CREM: variants seen among roughly 807,000 people sequenced by gnomAD.
CREM encodes cAMP-responsive element modulator.
In CREM, 13 loss-of-function variants were observed where a neutral mutation model predicts 37.3. The ratio of observed to expected loss-of-function variants is 0.35; its 90% CI spans 0.23 to 0.55. The LOEUF is 0.55. CREM is among the 20% of genes least tolerant of loss of function. The pLI, the probability that CREM is intolerant of heterozygous loss-of-function variation, is 0.88. For missense variants in CREM, 296 were observed against 362.3 expected (o/e 0.82, Z 1.49); for synonymous variants, 124 against 120.2 (o/e 1.03, Z -0.21).
chr10:35,171,697 G>C (rs2093828146), intron 3 of CREM, among the ~76,000 whole-genome samples: 2 of 152,138 alleles, frequency 1.3e-5, no homozygotes, highest in South Asian at 4.1e-4. Context: ...GAGAATACTT[G>C]TAGGACCCCT....
chr10:35,198,935 A>T (rs2095301754), intron 6 of CREM, among the ~76,000 whole-genome samples: 1 of 152,220 alleles, frequency 6.6e-6, no homozygotes, highest in Non-Finnish European at 1.5e-5. Flanking sequence ...TGATCACCTG[A>T]GGTCAGGAGT....
intron 1 of CREM, among the ~76,000 whole-genome samples, chr10:35,131,236 C>G (rs1341398014): frequency 6.6e-6 from 1 of 152,142 alleles, no homozygotes; most frequent in African/African-American, 2.4e-5. Context: ...CTAATAAAAT[C>G]CTGTGAACGT....
intron 5 of CREM, among the ~76,000 whole-genome samples, chr10:35,185,041 TCA>T: frequency 1.3e-5 from 1 of 78,422 alleles, no homozygotes; most frequent in Non-Finnish European, 3.3e-5. Flanking sequence ...AGCCATTCAT[TCA>T]TTCATTCATT....
chr10:35,204,957 A>G (rs1317559720), intron 6 of CREM, among the ~76,000 whole-genome samples: 3 of 152,248 alleles, frequency 2.0e-5, no homozygotes, highest in Non-Finnish European at 4.4e-5. Context: ...CATGAAATAC[A>G]GAAATGCTGT....
intron 2 of CREM, among the ~76,000 whole-genome samples, chr10:35,145,509 A>G (rs2091972173): frequency 6.6e-6 from 1 of 152,134 alleles, no homozygotes; most frequent in Admixed American, 6.6e-5. Flanking sequence ...GCCAGTTGCA[A>G]TGGCTCACGC....
chr10:35,180,641 C>T (rs895616442), intron 5 of CREM, among the ~76,000 whole-genome samples: 1 of 152,204 alleles, frequency 6.6e-6, no homozygotes, highest in Non-Finnish European at 1.5e-5. Flanking sequence ...AAGAAATAGA[C>T]CTTGAGGTTT....
intron 2 of CREM, 74 bp downstream of exon 2, chr10:35,137,953 T>G (rs1316233883): frequency 1.7e-6 from 2 of 1,164,104 alleles, no homozygotes; most frequent in African/African-American, 3.1e-5. Flanking sequence ...TAAATTGATA[T>G]ATAGATGTAC....
intron 3 of CREM, among the ~76,000 whole-genome samples, chr10:35,177,406 A>C (rs1221186013): frequency 2.0e-5 from 3 of 152,212 alleles, no homozygotes; most frequent in East Asian, 1.9e-4. Context: ...ATTGAGGTCC[A>C]CATATTTCTA....
At chr10:35,210,824 GATTA>G (rs2095649417) in intron 7 of CREM, 1 of 153,314 alleles carries the variant, frequency 6.5e-6, no homozygotes, top group African/African-American at 2.4e-5. Context: ...GGTTTTTGAG[GATTA>G]ATTCTTATAA....
At chr10:35,188,139 T>C (rs2094732959) in intron 5 of CREM, 61 bp from the exon 6 acceptor site, 2 of 1,465,420 alleles carry the variant, frequency 1.4e-6, no homozygotes, top group Non-Finnish European at 1.8e-6. Context: ...ATTCTTCCAA[T>C]AGGGGATTAT....
At chr10:35,150,099 T>C (rs1391398764) in intron 3 of CREM, among the ~76,000 whole-genome samples, 1 of 152,194 alleles carries the variant, frequency 6.6e-6, no homozygotes, top group Non-Finnish European at 1.5e-5. Flanking sequence ...AGAAAGCATA[T>C]ACTTTTTCTC....
At chr10:35,195,113 C>A in intron 6 of CREM, 1 of 1,497,942 alleles carries the variant, frequency 6.7e-7, no homozygotes, top group Non-Finnish European at 9.2e-7. Context: ...TTATCCTGCA[C>A]ATGCTTGCTA....
At chr10:35,130,787 C>G (rs2089215803) in intron 1 of CREM, among the ~76,000 whole-genome samples, 1 of 152,144 alleles carries the variant, frequency 6.6e-6, no homozygotes, top group African/African-American at 2.4e-5. Context: ...GTTGTGCCAT[C>G]TAGGTTTGTT....
chr10:35,149,218 C>T (rs2092395594), intron 3 of CREM, among the ~76,000 whole-genome samples: 2 of 152,134 alleles, frequency 1.3e-5, no homozygotes, highest in South Asian at 4.1e-4. Context: ...CTTTATATAT[C>T]TCCTTTGAGC....
chr10:35,201,019 C>T (rs574378440), intron 6 of CREM, among the ~76,000 whole-genome samples: 81 of 150,642 alleles, frequency 5.4e-4, no homozygotes, highest in Non-Finnish European at 9.0e-4. Context: ...TTTTCTTCTT[C>T]CCAGTCTGAT....
At chr10:35,204,906 G>T (rs759585628) in intron 6 of CREM, among the ~76,000 whole-genome samples, 3 of 151,998 alleles carry the variant, frequency 2.0e-5, no homozygotes, top group Non-Finnish European at 2.9e-5. Context: ...GTCTCCCATG[G>T]GTAGCATTTC....
chr10:35,133,218 TG>T (rs1349628625), intron 1 of CREM, among the ~76,000 whole-genome samples: 1 of 152,184 alleles, frequency 6.6e-6, no homozygotes, highest in East Asian at 1.9e-4. Context: ...GAACTTAGAT[TG>T]TTTGGCAAGT....
intron 2 of CREM, among the ~76,000 whole-genome samples, chr10:35,141,290 C>T (rs1463236443): frequency 6.6e-6 from 1 of 152,060 alleles, no homozygotes; most frequent in Non-Finnish European, 1.5e-5. Context: ...ATCCTGTAGT[C>T]AATAGGAAGC....
At chr10:35,208,927 A>G (rs2095602191) in intron 7 of CREM, among the ~76,000 whole-genome samples, 1 of 152,236 alleles carries the variant, frequency 6.6e-6, no homozygotes, top group South Asian at 2.1e-4. Context: ...TCTGTTTAGC[A>G]GATTTTAAGT....
Sources: allele counts gnomAD v4.1 joint callset (sites outside exome capture counted in the v4.1 genomes callset), GRCh38; gene constraint gnomAD v4.1.1; transcripts MANE v1.5; gene names NCBI Gene and HGNC (gene_info 2026-07-23, HGNC 2026-07-21).